CNTNAP5: variants seen among roughly 807,000 people sequenced by gnomAD.
CNTNAP5 encodes contactin-associated protein-like 5.
CNTNAP5 carries 72 observed loss-of-function variants against 150.2 expected under a neutral mutation model. That is an observed-to-expected ratio of 0.48 (90% confidence interval 0.40 to 0.58). CNTNAP5 has a LOEUF of 0.58. CNTNAP5 is among the 20% of genes least tolerant of loss of function. The probability of loss-of-function intolerance (pLI) is 0.00; values close to 1 mark genes in which losing one functional copy is unlikely to be tolerated. For missense variants in CNTNAP5, 1,636 were observed against 1,626.2 expected (o/e 1.01, Z -0.10); for synonymous variants, 672 against 619.8 (o/e 1.08, Z -1.25).
intron 1 of CNTNAP5, among the ~76,000 whole-genome samples, chr2:124,138,607 C>A (rs1684031106): frequency 6.6e-6 from 1 of 152,160 alleles, no homozygotes; most frequent in African/African-American, 2.4e-5. Flanking sequence ...TTCAACTGTT[C>A]TAGCATGGCC....
chr2:124,863,550 A>G (rs1480189244), intron 19 of CNTNAP5, among the ~76,000 whole-genome samples: 3 of 152,244 alleles, frequency 2.0e-5, no homozygotes, highest in Admixed American at 2.0e-4. Context: ...TGGCCTCAGA[A>G]GTGTTAGGCA....
chr2:124,630,711 T>C (rs1677834565), intron 12 of CNTNAP5, among the ~76,000 whole-genome samples: 1 of 152,098 alleles, frequency 6.6e-6, no homozygotes, highest in Non-Finnish European at 1.5e-5. Flanking sequence ...ATAGTAGTGT[T>C]GGGAGTTCTG....
At chr2:124,252,993 T>C (rs1687224822) in intron 3 of CNTNAP5, among the ~76,000 whole-genome samples, 2 of 151,746 alleles carry the variant, frequency 1.3e-5, no homozygotes, top group African/African-American at 2.4e-5. Context: ...TGTATGTGTA[T>C]ATATACACAT....
intron 3 of CNTNAP5, among the ~76,000 whole-genome samples, chr2:124,273,281 T>A (rs1009015264): frequency 2.0e-5 from 3 of 152,152 alleles, no homozygotes; most frequent in Admixed American, 6.6e-5. Flanking sequence ...GTGAGAGACA[T>A]TATACATATG....
At chr2:124,802,236 T>C (rs1369980985) in intron 19 of CNTNAP5, among the ~76,000 whole-genome samples, 1 of 152,204 alleles carries the variant, frequency 6.6e-6, no homozygotes, top group Non-Finnish European at 1.5e-5. Context: ...ATTTATTTAA[T>C]ATAGTTGAAC....
In CNTNAP5 at chr2:124,474,723, A is replaced by G. The variant is rs568558502; in HGVS notation, c.919-16A>G. On this transcript the variant is annotated splice_polypyrimidine_tract_variant and intron_variant, in intron 6 of 23. Transcript: ENST00000682447. ...AGCTTAAAACTAAGAGTTTGTTTCT[A>G]TTTTCACCCCAAAAGCTTAGTTTTG... 1.3e-6 allele frequency: 2 copies of G among 1,533,600 alleles called. No individual in the cohort carries two copies. Among genetic ancestry groups the G allele is most frequent in the Non-Finnish European group, 1.7e-6 (2 of 1,146,832 alleles). The allele number at this position is 1,533,600 out of a possible 1,614,324, so 95.0% of individuals were successfully genotyped here.
At chr2:124,511,880 T>G (rs1198603698) in intron 8 of CNTNAP5, among the ~76,000 whole-genome samples, 2 of 151,996 alleles carry the variant, frequency 1.3e-5, no homozygotes, top group African/African-American at 4.8e-5. Flanking sequence ...GCTATGACTC[T>G]TCACAACCTG....
intron 1 of CNTNAP5, among the ~76,000 whole-genome samples, chr2:124,057,099 C>A (rs1681870733): frequency 6.6e-6 from 1 of 152,098 alleles, no homozygotes; most frequent in Non-Finnish European, 1.5e-5. Context: ...AACCAACCGA[C>A]ATCACAATTG....
At chr2:124,746,158 G>T (rs1435963600) in intron 13 of CNTNAP5, among the ~76,000 whole-genome samples, 3 of 152,112 alleles carry the variant, frequency 2.0e-5, no homozygotes, top group Non-Finnish European at 2.9e-5. Flanking sequence ...AGCACCTGTT[G>T]TATATCAATC....
intron 13 of CNTNAP5, among the ~76,000 whole-genome samples, chr2:124,737,731 A>G (rs1339751136): frequency 6.6e-6 from 1 of 152,186 alleles, no homozygotes; most frequent in Admixed American, 6.5e-5. Flanking sequence ...CAAGCATTTT[A>G]CTTTTGAGTC....
At chr2:124,535,741 C>T (rs1040798858) in intron 10 of CNTNAP5, among the ~76,000 whole-genome samples, 1 of 152,000 alleles carries the variant, frequency 6.6e-6, no homozygotes, top group African/African-American at 2.4e-5. Flanking sequence ...CGCGCCACTG[C>T]ACTCCAGAGT....
intron 3 of CNTNAP5, among the ~76,000 whole-genome samples, chr2:124,273,894 A>G (rs922007519): frequency 5.3e-5 from 8 of 152,204 alleles, no homozygotes; most frequent in Non-Finnish European, 8.8e-5. Flanking sequence ...CCAACTACAT[A>G]TGTCCAGTTA....
At chr2:124,572,260 ATG>A (rs1413363625) in intron 11 of CNTNAP5, among the ~76,000 whole-genome samples, 1 of 151,834 alleles carries the variant, frequency 6.6e-6, no homozygotes, top group Non-Finnish European at 1.5e-5. Context: ...GCTGAACTGG[ATG>A]TGAGAAAGTC....
chr2:124,541,865 G>A (rs1695393802), intron 10 of CNTNAP5, among the ~76,000 whole-genome samples: 1 of 152,106 alleles, frequency 6.6e-6, no homozygotes, highest in Admixed American at 6.5e-5. Flanking sequence ...GGTCTCAAGG[G>A]TGAACTCTTG....
At chr2:124,069,484 C>T (rs1040191902) in intron 1 of CNTNAP5, among the ~76,000 whole-genome samples, 3 of 152,064 alleles carry the variant, frequency 2.0e-5, no homozygotes, top group Non-Finnish European at 4.4e-5. Context: ...TCCCTAGGGA[C>T]TTGAATAAAC....
intron 22 of CNTNAP5, among the ~76,000 whole-genome samples, chr2:124,905,804 G>C (rs1312023620): frequency 6.6e-6 from 1 of 152,152 alleles, no homozygotes; most frequent in African/African-American, 2.4e-5. Flanking sequence ...GCTTGAGCCA[G>C]TTAGAATTGG....
chr2:124,286,569 C>T (rs1005301185), intron 3 of CNTNAP5, among the ~76,000 whole-genome samples: 1 of 152,154 alleles, frequency 6.6e-6, no homozygotes, highest in African/African-American at 2.4e-5. Context: ...CACAAACCTC[C>T]TGGGGATGTG....
At chr2:124,602,636 G>A (rs1167183067) in intron 11 of CNTNAP5, among the ~76,000 whole-genome samples, 3 of 151,974 alleles carry the variant, frequency 2.0e-5, no homozygotes, top group South Asian at 2.1e-4. Context: ...TGAGACTATA[G>A]GCACAAGCTA....
intron 1 of CNTNAP5, among the ~76,000 whole-genome samples, chr2:124,205,079 C>T (rs973316126): frequency 2.0e-5 from 3 of 152,156 alleles, no homozygotes; most frequent in African/African-American, 4.8e-5. Flanking sequence ...GTAGAGTACA[C>T]CCAATCCTAA....
Sources: gnomAD v4.1 joint callset for allele counts (sites outside exome capture counted in the v4.1 genomes callset) on GRCh38, gnomAD v4.1.1 for gene constraint, MANE v1.5 for transcripts, NCBI Gene and HGNC (gene_info 2026-07-23, HGNC 2026-07-21) for gene names.